The following THSD7B variants were observed in gnomAD, a reference collection of about 807,000 sequenced individuals.
THSD7B encodes thrombospondin type 1 domain containing 7B, also known as thrombospondin type-1 domain-containing protein 7B.
In THSD7B, 138 loss-of-function variants were observed where a neutral mutation model predicts 213.6. The observed-to-expected ratio is 0.65, with a 90% CI of 0.56 to 0.74. The LOEUF (loss-of-function observed/expected upper bound fraction) is 0.74, where lower values mean the gene tolerates loss of function less well. Ranked by LOEUF, THSD7B falls within the 30% of genes least tolerant of loss-of-function variation. The pLI is 0.00. For missense variants in THSD7B, 1,931 were observed against 1,991.5 expected, an observed-to-expected ratio of 0.97 and a Z score of 0.58; for synonymous variants, 742 against 687.0, an observed-to-expected ratio of 1.08 and a Z score of -1.25.
intron 7 of THSD7B, among the ~76,000 whole-genome samples, chr2:137,204,635 CTATG>C (rs1471018684): frequency 6.6e-6 from 1 of 152,044 alleles, no homozygotes; most frequent in Admixed American, 6.6e-5. Context: ...AAATACATAT[CTATG>C]TATGTAACAT....
At chr2:136,834,819 A>G (rs1308145067) in intron 1 of THSD7B, among the ~76,000 whole-genome samples, 1 of 152,216 alleles carries the variant, frequency 6.6e-6, no homozygotes, top group Non-Finnish European at 1.5e-5. Flanking sequence ...TCTAGAAAAT[A>G]CCAAATAGAT....
At chr2:136,930,850 A>G (rs1684616006) in intron 2 of THSD7B, among the ~76,000 whole-genome samples, 1 of 151,914 alleles carries the variant, frequency 6.6e-6, no homozygotes, top group African/African-American at 2.4e-5. Flanking sequence ...ATTATTGATT[A>G]TATATTTATA....
At chr2:137,598,871 T>G in intron 17 of THSD7B, among the ~76,000 whole-genome samples, 1 of 120,158 alleles carries the variant, frequency 8.3e-6, no homozygotes, top group East Asian at 2.0e-4. Context: ...ATGTTTCATT[T>G]TGGTTCTTTT....
chr2:136,801,446 CA>C (rs1682176674), intron 1 of THSD7B, among the ~76,000 whole-genome samples: 1 of 152,026 alleles, frequency 6.6e-6, no homozygotes, highest in South Asian at 2.1e-4. Flanking sequence ...TTCCAGAATG[CA>C]ACCTTATGTC....
In THSD7B at chr2:136,820,927, CA is replaced by C. The variant is rs140442814; in HGVS notation, c.-36+55244del. On this transcript the variant is annotated intron_variant, in intron 1 of 27. Transcript: ENST00000409968. ...AGAAAGAATCAAAAAGCAAATGCTA[CA>C]AAATTCTACCAATTAGAGAATTTAG... 8.5e-3 allele frequency among the ~76,000 whole-genome samples: 1,293 copies of C among 152,124 alleles called. 26 individuals are homozygous for C. Among genetic ancestry groups the C allele is most frequent in the African/African-American group, 0.03 (1,245 of 41,502 alleles).
intron 2 of THSD7B, among the ~76,000 whole-genome samples, chr2:136,903,542 GA>G (rs1406687678): frequency 6.6e-6 from 1 of 152,112 alleles, no homozygotes; most frequent in Non-Finnish European, 1.5e-5. Flanking sequence ...TGCTGCCACA[GA>G]GCAGGGGTAT....
intron 15 of THSD7B, among the ~76,000 whole-genome samples, chr2:137,525,237 C>A (rs1024018877): frequency 2.6e-5 from 4 of 152,168 alleles, no homozygotes; most frequent in African/African-American, 9.6e-5. Context: ...AAATAGAAAC[C>A]AAACACCATG....
intron 12 of THSD7B, among the ~76,000 whole-genome samples, chr2:137,372,140 T>C (rs1685546232): frequency 6.6e-6 from 1 of 152,054 alleles, no homozygotes; most frequent in African/African-American, 2.4e-5. Flanking sequence ...CCTCTTGTAC[T>C]GAATGGACGT....
At position 137,232,882 on chromosome 2, in the gene THSD7B, G is replaced by T. The variant is rs1190871097; in HGVS notation, c.1916-17G>T. On this transcript the variant is annotated splice_polypyrimidine_tract_variant and intron_variant, in intron 8 of 27. Transcript: ENST00000409968. ...CAGCAACCACTATGTATTACCTTTT[G>T]TTCTTATTTTTGGCAGGTGGAAAGC... 2.5e-6 allele frequency: 4 copies of T among 1,612,124 alleles called. No homozygotes were observed. The highest frequency in any genetic ancestry group is 1.3e-5 in the African/African-American group (1 of 74,860).
chr2:137,215,781 G>GT (rs1416569814), intron 7 of THSD7B, among the ~76,000 whole-genome samples: 1 of 152,108 alleles, frequency 6.6e-6, no homozygotes, highest in Non-Finnish European at 1.5e-5. Context: ...AAGTGGAAAT[G>GT]TTTTTTCCAA....
intron 1 of THSD7B, among the ~76,000 whole-genome samples, chr2:136,769,827 G>A (rs561330272): frequency 1.3e-5 from 2 of 151,914 alleles, no homozygotes; most frequent in African/African-American, 4.8e-5. Context: ...GTGTGAAAAT[G>A]TTTCCTGCAT....
rs1685551271 is a variant in THSD7B, at chr2:137,372,338, T to C, written c.2501-33275T>C. On this transcript the variant is annotated intron_variant, in intron 12 of 27. Coordinates refer to ENST00000409968, the MANE Select transcript of THSD7B (RefSeq NM_001316349.2). ...TGATAATACTCTTTTTTTTTTTTTTTTTTTTTTTTTTTTAATATTTAAAGA... is the reference window on the plus strand; with the variant it reads ...TGATAATACTCTTTTTTTTTTTTTTCTTTTTTTTTTTTTAATATTTAAAGA... Among the ~76,000 whole-genome samples, 7 of 146,074 alleles carry C rather than the reference T, an allele frequency of 4.8e-5. No homozygotes were observed. The South Asian group carries it at 1.5e-3, about 32-fold the overall frequency.
At chr2:137,412,692 A>T (rs1292887078) in intron 14 of THSD7B, among the ~76,000 whole-genome samples, 1 of 151,658 alleles carries the variant, frequency 6.6e-6, no homozygotes, top group African/African-American at 2.4e-5. Context: ...GAAAAAAACA[A>T]GAGACAATCT....
At chr2:137,032,213 T>C (rs181283896) in intron 2 of THSD7B, among the ~76,000 whole-genome samples, 47 of 151,988 alleles carry the variant, frequency 3.1e-4, no homozygotes, top group African/African-American at 1.1e-3. Context: ...ACCCTACTAA[T>C]AGAGTAAAGT....
At chr2:137,563,687 G>T (rs987832216) in intron 16 of THSD7B, among the ~76,000 whole-genome samples, 1 of 152,046 alleles carries the variant, frequency 6.6e-6, no homozygotes, top group South Asian at 2.1e-4. Context: ...GTTGCCATTG[G>T]TCTTTTTTGC....
intron 17 of THSD7B, among the ~76,000 whole-genome samples, chr2:137,609,516 G>T (rs1682248755): frequency 6.6e-6 from 1 of 152,166 alleles, no homozygotes; most frequent in African/African-American, 2.4e-5. Context: ...AATGCTTGGA[G>T]CTCTCCAAGA....
chr2:137,615,822 A>T (rs78793474), intron 17 of THSD7B, among the ~76,000 whole-genome samples: 26,919 of 143,204 alleles, frequency 0.19, 2,761 homozygotes, highest in African/African-American at 0.31. Flanking sequence ...TCCTTTTTTT[A>T]AAAAAAAAAG....
chr2:137,335,569 A>C (rs1174268918), intron 12 of THSD7B, among the ~76,000 whole-genome samples: 1 of 152,208 alleles, frequency 6.6e-6, no homozygotes, highest in Non-Finnish European at 1.5e-5. Flanking sequence ...ATAAATCAGC[A>C]ACAGTTGGTG....
intron 5 of THSD7B, among the ~76,000 whole-genome samples, chr2:137,157,761 T>A (rs1284347384): frequency 1.3e-5 from 2 of 152,182 alleles, no homozygotes. Flanking sequence ...CTAGAGAGAA[T>A]AATAACAACA....
Sources: gnomAD v4.1 joint callset for allele counts (sites outside exome capture counted in the v4.1 genomes callset) on GRCh38, gnomAD v4.1.1 for gene constraint, MANE v1.5 for transcripts, NCBI Gene and HGNC (gene_info 2026-07-23, HGNC 2026-07-21) for gene names.